Variants in TOR1AIP1 observed in about 807,000 individuals in gnomAD.
TOR1AIP1 encodes the protein torsin 1A interacting protein 1, also known as torsin-1A-interacting protein 1.
Under a neutral mutation model 63.3 loss-of-function variants are expected in TOR1AIP1, and 54 were observed. That is an observed-to-expected ratio of 0.85 (90% confidence interval 0.69 to 1.07). TOR1AIP1 has a LOEUF of 1.07. Among genes scored for constraint, TOR1AIP1 ranks in the 50% least tolerant of loss-of-function variants. The pLI is 0.00. For missense variants in TOR1AIP1, 736 were observed against 715.0 expected (o/e 1.03, Z -0.33); for synonymous variants, 294 against 273.5 (o/e 1.07, Z -0.74).
In TOR1AIP1 at chr1:179,891,896, G is replaced by A. The variant is rs142515213; in HGVS notation, c.610+2527G>A. ...TTCATTTAGAAAGTGAATTCGATAC[G>A]TTGTTCACGGCGAGTTCAGTGTCCT... On this transcript the variant is annotated intron_variant, in intron 3 of 9. Coordinates refer to ENST00000606911, the MANE Select transcript of TOR1AIP1 (RefSeq NM_015602.4). 5.3e-3 allele frequency among the ~76,000 whole-genome samples: 802 copies of A among 152,250 alleles called. 9 individuals are homozygous for A. The highest frequency in any genetic ancestry group is 0.021 in the South Asian group (101 of 4,830).
intron 2 of TOR1AIP1, among the ~76,000 whole-genome samples, chr1:179,886,777 T>TTG (rs1291109003): frequency 1.3e-5 from 2 of 152,176 alleles, no homozygotes. Flanking sequence ...ATGTCTGTCT[T>TTG]TGAGAGGTTT....
Position 179,908,674 on chromosome 1 carries a change from G to A in TOR1AIP1, c.907+1G>A, listed in dbSNP as rs112561258. 3.1e-6 allele frequency: 5 copies of A among 1,611,746 alleles called. No homozygotes were observed. Among genetic ancestry groups the A allele is most frequent in the Non-Finnish European group, 4.2e-6 (5 of 1,178,418 alleles). ...GCAAGAATAAGGACCAGGATGCAAAGTAAGTAGATAAATCTCTGTTATTGA... is the reference window on the plus strand; with the variant it reads ...GCAAGAATAAGGACCAGGATGCAAAATAAGTAGATAAATCTCTGTTATTGA... On this transcript the variant is annotated splice_donor_variant, in intron 8 of 9. Transcript: ENST00000606911. LOFTEE classifies it high-confidence loss of function.
intron 9 of TOR1AIP1, among the ~76,000 whole-genome samples, chr1:179,915,129 C>T (rs1648955491): frequency 6.6e-6 from 1 of 152,100 alleles, no homozygotes; most frequent in Admixed American, 6.5e-5. Context: ...GAAGTATCTA[C>T]AAAAAATCCA....
chr1:179,887,210 CAATATGGTG>C (rs71118410), intron 2 of TOR1AIP1, among the ~76,000 whole-genome samples: 8,138 of 152,146 alleles, frequency 0.053, 293 homozygotes, highest in Non-Finnish European at 0.079. Context: ...CCAGCCTGGC[CAATATGGTG>C]AAAACCCCAT....
chr1:179,908,197 C>T lies in TOR1AIP1; in HGVS notation c.838+333C>T, dbSNP rs546389256. 4.6e-5 allele frequency among the ~76,000 whole-genome samples: 7 copies of T among 152,146 alleles called. No individual in the cohort carries two copies. The East Asian group carries it at 9.7e-4, about 21-fold the overall frequency. On this transcript the variant is annotated intron_variant, in intron 7 of 9. Transcript: ENST00000606911. ...TGCTGGAATTACAGGTGTGAGCCACCGCACCCAGCCTCAGTCAATCAATTC... is the reference window on the plus strand; with the variant it reads ...TGCTGGAATTACAGGTGTGAGCCACTGCACCCAGCCTCAGTCAATCAATTC...
chr1:179,913,831 C>G (rs1648910060), intron 8 of TOR1AIP1, among the ~76,000 whole-genome samples, 167 bp from the exon 9 acceptor site: 1 of 152,170 alleles, frequency 6.6e-6, no homozygotes, highest in African/African-American at 2.4e-5. Context: ...TTTCAAGGAG[C>G]TCTCAGTCTA....
chr1:179,886,193 C>G (rs1647903795), intron 2 of TOR1AIP1, among the ~76,000 whole-genome samples: 1 of 151,922 alleles, frequency 6.6e-6, no homozygotes, highest in African/African-American at 2.4e-5. Flanking sequence ...TTATTGTATA[C>G]CTGGGAAAGC....
chr1:179,893,544 G>C (rs575240748), intron 3 of TOR1AIP1, among the ~76,000 whole-genome samples: 26 of 152,122 alleles, frequency 1.7e-4, no homozygotes, highest in African/African-American at 6.3e-4. Context: ...AGGCTTAAGC[G>C]ATTCTCCTGC....
At chr1:179,909,027 G>A (rs1224196132) in intron 8 of TOR1AIP1, among the ~76,000 whole-genome samples, 1 of 152,148 alleles carries the variant, frequency 6.6e-6, no homozygotes, top group Non-Finnish European at 1.5e-5. Flanking sequence ...AGAAAAATTA[G>A]CTGGGCGTGG....
At chr1:179,908,479 T>C in intron 7 of TOR1AIP1, 126 bp from the exon 8 acceptor site, 1 of 727,846 alleles carries the variant, frequency 1.4e-6, no homozygotes, top group Non-Finnish European at 2.2e-6. Context: ...TATAAAACTA[T>C]TGCTTTTATT....
At chr1:179,892,184 T>A (rs534599594) in intron 3 of TOR1AIP1, among the ~76,000 whole-genome samples, 1 of 152,258 alleles carries the variant, frequency 6.6e-6, no homozygotes, top group East Asian at 1.9e-4. Flanking sequence ...TTAAAAAAGC[T>A]TTTTAGGCTG....
chr1:179,889,634 A>G (rs1306157726), intron 3 of TOR1AIP1, among the ~76,000 whole-genome samples: 1 of 148,462 alleles, frequency 6.7e-6, no homozygotes, highest in Non-Finnish European at 1.5e-5. Context: ...TTTTGGCTTT[A>G]TAAACTCTCA....
intron 3 of TOR1AIP1, among the ~76,000 whole-genome samples, chr1:179,892,956 T>C (rs975627035): frequency 6.6e-6 from 1 of 151,924 alleles, no homozygotes; most frequent in African/African-American, 2.4e-5. Flanking sequence ...GTAGAAAGAA[T>C]GAGGCTGGGT....
At chr1:179,897,295 A>G (rs1558041782) in intron 3 of TOR1AIP1, among the ~76,000 whole-genome samples, 2 of 152,206 alleles carry the variant, frequency 1.3e-5, no homozygotes, top group African/African-American at 4.8e-5. Context: ...TAAGCTGGCT[A>G]AAAAATAATT....
rs1404162797 is a variant in TOR1AIP1 at position 179,904,021 on chromosome 1, A to G, written c.795A>G (p.Gln265=). The change falls in exon 6 of 10, where the codon CAA becomes CAG. Residue 265 remains glutamine (Q), a splice_region_variant and synonymous_variant. Coordinates refer to ENST00000606911, the MANE Select transcript of TOR1AIP1 (RefSeq NM_015602.4). ...QYIESFWQSS[Q]SQNFTAHDKQ... is the part of the protein sequence containing the mutation. The stretch of plus-strand genomic sequence containing the variant: ...TAGAATCATTTTGGCAGTCATCACA[A>G]AGTAAGTAAAGCTGTGTTTACAGTG... 1.9e-6 allele frequency: 3 copies of G among 1,605,544 alleles called. No homozygotes were observed. The highest frequency in any genetic ancestry group is 2.6e-6 in the Non-Finnish European group (3 of 1,174,396).
At chr1:179,910,936 G>A (rs1160136897) in intron 8 of TOR1AIP1, among the ~76,000 whole-genome samples, 3 of 152,172 alleles carry the variant, frequency 2.0e-5, no homozygotes, top group Non-Finnish European at 4.4e-5. Flanking sequence ...TAATAGAAAT[G>A]CAGAAATAGA....
chr1:179,916,172 C>T (rs549502759), intron 9 of TOR1AIP1, among the ~76,000 whole-genome samples: 1 of 152,268 alleles, frequency 6.6e-6, no homozygotes, highest in South Asian at 2.1e-4. Context: ...TGAAAAATAA[C>T]AATGACTACA....
intron 2 of TOR1AIP1, 103 bp downstream of exon 2, chr1:179,884,872 C>G: frequency 2.5e-6 from 2 of 814,770 alleles, no homozygotes; most frequent in Non-Finnish European, 3.8e-6. Flanking sequence ...CAAGGGCAGA[C>G]ACGTGAGTAC....
chr1:179,885,052 C>G (rs1339306643), intron 2 of TOR1AIP1, among the ~76,000 whole-genome samples: 3 of 152,160 alleles, frequency 2.0e-5, no homozygotes, highest in African/African-American at 4.8e-5. Context: ...TACTTTCCCC[C>G]CAAGTGCCTC....
Sources: gnomAD v4.1 joint callset for allele counts (sites outside exome capture counted in the v4.1 genomes callset) on GRCh38, gnomAD v4.1.1 for gene constraint, MANE v1.5 for transcripts, NCBI Gene and HGNC (gene_info 2026-07-23, HGNC 2026-07-21) for gene names.